The following DIDO1 variants were observed in gnomAD, a reference collection of about 807,000 sequenced individuals.
The protein encoded by DIDO1 is death inducer-obliterator 1, also known as death-inducer obliterator 1.
In DIDO1, 16 loss-of-function variants were observed where a neutral mutation model predicts 99.4. The ratio of observed to expected loss-of-function variants is 0.16; its 90% CI spans 0.11 to 0.24. DIDO1 has a LOEUF of 0.24. DIDO1 is among the 10% of genes least tolerant of loss of function. The pLI is 1.00. For missense variants in DIDO1, 2,996 were observed against 3,014.0 expected, an observed-to-expected ratio of 0.99 and a Z score of 0.14; for synonymous variants, 1,366 against 1,239.1, an observed-to-expected ratio of 1.10 and a Z score of -2.15.
intron 15 of DIDO1, 47 bp downstream of exon 15, chr20:62,890,913 T>G (rs1600927618): frequency 6.2e-7 from 1 of 1,611,872 alleles, no homozygotes; most frequent in Non-Finnish European, 8.5e-7. Context: ...GGAGGAGGGG[T>G]GCAGGTGCAG....
chr20:62,937,154 G>A (rs1347801338), intron 1 of DIDO1, among the ~76,000 whole-genome samples: 12 of 152,214 alleles, frequency 7.9e-5, no homozygotes, highest in Admixed American at 7.8e-4. Flanking sequence ...ACTTCAGAAA[G>A]AAGCCGTCCC....
At chr20:62,929,693 G>GTATATATATATATATA (rs565069048), upstream of DIDO1, among the ~76,000 whole-genome samples, 1,700 of 97,696 alleles carry the variant, frequency 0.017, 233 homozygotes, top group African/African-American at 0.038. Context: ...AAAAGAAAAA[G>GTATATATATATATATA]TGTATATATA....
In DIDO1 at chr20:62,891,175, A is replaced by G. The variant is rs1372799479; in HGVS notation, c.3346-20T>C. The G allele has an allele frequency of 1.2e-6, 2 of 1,613,496 alleles. No individual in the cohort carries two copies. Among genetic ancestry groups the G allele is most frequent in the Admixed American group, 1.7e-5 (1 of 60,000 alleles). ...GAGCTCCTGCAATGGAAGAGTGGGA[A>G]GCACTCATAAAGAAAATGTGGCTCA... is the stretch of plus-strand genomic sequence containing the variant. On this transcript the variant is annotated intron_variant, in intron 14 of 15. Coordinates refer to ENST00000395343, the MANE Select transcript of DIDO1 (RefSeq NM_001193369.2).
Position 62,896,725 on chromosome 20 carries a change from C to T in DIDO1, c.1860G>A (p.Ala620=), listed in dbSNP as rs374021508. The change falls in exon 7 of 16, where the codon GCG becomes GCA. Residue 620 remains alanine, a synonymous_variant. Transcript: ENST00000395343. The surrounding 1 kb of genome is among the most constrained non-coding windows in gnomAD (Gnocchi z 4.4). The stretch of plus-strand genomic sequence containing the variant: ...GGAACTTCTTGGAGGCAGCCGTTGC[C>T]GCTGCAGGTGCCGGTCCGGCCTGCC... ...AARQAGPAPA[A]ATAASKKFPG... is the part of the protein sequence containing the mutation. 1.5e-4 allele frequency: 236 copies of T among 1,613,702 alleles called. 1 individual carries two copies. Among genetic ancestry groups the T allele is most frequent in the East Asian group, 2.9e-4 (13 of 44,886 alleles).
At chr20:62,913,969 TTTA>T (rs1480774096) in intron 2 of DIDO1, among the ~76,000 whole-genome samples, 4 of 152,240 alleles carry the variant, frequency 2.6e-5, no homozygotes, top group Non-Finnish European at 4.4e-5. Flanking sequence ...TTTATTATTT[TTTA>T]TTGTCAGATT....
At position 62,880,899 on chromosome 20, in the gene DIDO1, G is replaced by A. The variant is rs1362752854; in HGVS notation, c.5057C>T (p.Pro1686Leu). The A allele has an allele frequency of 2.5e-6, 4 of 1,611,550 alleles. No homozygotes were observed. The highest frequency in any genetic ancestry group is 2.2e-5 in the East Asian group (1 of 44,862). ...HDGERDPFTC[P>L]GFASQDKALG... ...AGCCTTGTCCTGCGACGCGAACCCC[G>A]GGCAGGTGAAAGGGTCCCTCTCACC... Residue 1686 changes from proline (P) to leucine (L), a missense_variant, in exon 16 of 16, where the codon CCG becomes CTG. Pro to Leu is a moderately conservative substitution (Grantham distance 98). Around this residue, in one of 5 missense-constraint regions of DIDO1, gnomAD observed 1,562 missense variants for 1,412.6 expected, o/e 1.11. Transcript: ENST00000395343.
At chr20:62,927,577 C>T (rs908090356), upstream of DIDO1, among the ~76,000 whole-genome samples, 20 of 152,210 alleles carry the variant, frequency 1.3e-4, no homozygotes, top group African/African-American at 4.3e-4. Context: ...AACAGTGATA[C>T]GCTACCTGGA....
chr20:62,885,008 GCTAT>G (rs971124290), intron 15 of DIDO1, among the ~76,000 whole-genome samples: 20 of 152,250 alleles, frequency 1.3e-4, no homozygotes, highest in South Asian at 1.0e-3. Flanking sequence ...CAGCACAACA[GCTAT>G]CTGTTTACTG....
intron 6 of DIDO1, among the ~76,000 whole-genome samples, chr20:62,901,318 G>A (rs565685681): frequency 6.6e-6 from 1 of 152,236 alleles, no homozygotes; most frequent in African/African-American, 2.4e-5. Context: ...CAACTTAATG[G>A]AGAGGTGTGT....
At chr20:62,888,653 TAC>T (rs1007758061) in intron 15 of DIDO1, 115 of 983,614 alleles carry the variant, frequency 1.2e-4, no homozygotes, top group South Asian at 7.5e-4. Context: ...GACCTAGCCT[TAC>T]ACACACACAC....
rs73304510 is a variant in DIDO1 at position 62,878,964 on chromosome 20, T to G, written c.*269A>C. ...TTTACAATAAAGTTATTGGAAAAGA[T>G]AACTATGATCTGAAAAGCAATATGC... On this transcript the variant is annotated 3_prime_UTR_variant, in exon 16 of 16. Transcript: ENST00000395343. 8,542 of 369,772 alleles carry G rather than the reference T, an allele frequency of 0.023. 684 individuals are homozygous for G. The highest frequency in any genetic ancestry group is 0.16 in the African/African-American group (7,741 of 47,692). 22.9% of individuals were successfully genotyped at this position (369,772 alleles called of 1,614,324 possible).
At chr20:62,918,471 T>TAG (rs2065077170) in intron 1 of DIDO1, among the ~76,000 whole-genome samples, 1 of 152,254 alleles carries the variant, frequency 6.6e-6, no homozygotes, top group Admixed American at 6.5e-5. Context: ...AACTTGAGAC[T>TAG]AGTTTCTGAG....
At chr20:62,886,158 AAGCAACCAGGGGCCGGGGCTCAGG>A (rs778570167) in intron 15 of DIDO1, among the ~76,000 whole-genome samples, 9 of 152,334 alleles carry the variant, frequency 5.9e-5, no homozygotes, top group East Asian at 1.9e-4. Flanking sequence ...TCAGTTCATA[AAGCAACCAGGGGCCGGGGCTCAGG>A]AGCAACCAGG....
rs2147409023 is a variant in DIDO1 at position 62,895,185 on chromosome 20, A to G, written c.2215-20T>C. On this transcript the variant is annotated intron_variant, in intron 8 of 15. Coordinates refer to ENST00000395343, the MANE Select transcript of DIDO1 (RefSeq NM_001193369.2). Reference sequence around the variant, plus strand: ...GAGTCCCTATAAACAAGTATTTTTCATTTACTCAAATAATATTCCTATATC... The same window carrying G: ...GAGTCCCTATAAACAAGTATTTTTCGTTTACTCAAATAATATTCCTATATC... 3 of 1,577,246 alleles carry G rather than the reference A, an allele frequency of 1.9e-6. No homozygotes were observed. The East Asian group carries it at 6.8e-5, about 36-fold the overall frequency.
At position 62,883,175 on chromosome 20, in the gene DIDO1, C is replaced by T. The variant is rs568943787; in HGVS notation, c.3542-761G>A. ...CTGACCTCAGGTGATCCACCTGCCT[C>T]GGCCTCCCAAAGTGCTGGGATTACA... On this transcript the variant is annotated intron_variant, in intron 15 of 15. Transcript: ENST00000395343. Among the ~76,000 whole-genome samples the T allele has an allele frequency of 2.4e-3, 367 of 151,888 alleles. 3 individuals carry two copies. Among genetic ancestry groups the T allele is most frequent in the African/African-American group, 8.5e-3 (354 of 41,496 alleles).
At chr20:62,910,658 C>A in intron 3 of DIDO1, 116 bp downstream of exon 3, 1 of 1,236,732 alleles carries the variant, frequency 8.1e-7, no homozygotes. Flanking sequence ...ACAACTTGTT[C>A]ATCTTTTCCA....
intron 15 of DIDO1, chr20:62,889,614 A>G: frequency 1.0e-6 from 1 of 985,442 alleles, no homozygotes; most frequent in Middle Eastern, 5.2e-4. Context: ...CGGAGAGGCC[A>G]GCTTCTCGGT....
intron 1 of DIDO1, among the ~76,000 whole-genome samples, 180 bp from the exon 2 acceptor site, chr20:62,914,586 G>C (rs1346286030): frequency 6.6e-6 from 1 of 152,202 alleles, no homozygotes; most frequent in African/African-American, 2.4e-5. Flanking sequence ...CCTCTACCCA[G>C]GACAGCAGAT....
intron 6 of DIDO1, 48 bp downstream of exon 6, chr20:62,905,839 A>G (rs767147957): frequency 5.1e-5 from 83 of 1,614,006 alleles, no homozygotes; most frequent in Non-Finnish European, 6.5e-5. Context: ...ATGGCTATCC[A>G]GAAAGAACGG....
Sources: gnomAD v4.1 joint callset for allele counts (sites outside exome capture counted in the v4.1 genomes callset) on GRCh38, gnomAD v4.1.1 for gene constraint, gnomAD v4.1.1 regional missense constraint, Gnocchi (gnomAD v3.1) non-coding constraint, MANE v1.5 for transcripts, NCBI Gene and HGNC (gene_info 2026-07-23, HGNC 2026-07-21) for gene names.